The following PCDHGA5 variants were observed in gnomAD, a reference collection of about 807,000 sequenced individuals.
PCDHGA5 encodes the protein protocadherin gamma subfamily A, 5.
A neutral mutation model predicts 56.7 loss-of-function variants in PCDHGA5; 36 were observed. The ratio of observed to expected loss-of-function variants is 0.64; its 90% confidence interval spans 0.49 to 0.84. The LOEUF (loss-of-function observed/expected upper bound fraction) is 0.84. Ranked by LOEUF, PCDHGA5 falls within the 40% of genes least tolerant of loss-of-function variation. PCDHGA5 has a pLI of 0.00. For synonymous variants in PCDHGA5, 563 were observed against 520.2 expected (o/e 1.08, Z -1.12); for missense variants, 1,305 against 1,201.5 (o/e 1.09, Z -1.27).
At chr5:141,387,885 A>C (rs748815627) in intron 1 of PCDHGA5, 1 of 1,578,800 alleles carries the variant, frequency 6.3e-7, no homozygotes, top group Non-Finnish European at 8.6e-7. Flanking sequence ...AGCAAGAGGG[A>C]TGGGGAGCGG....
rs1763677567 is a variant in PCDHGA5, at chr5:141,365,014, C to T, written c.684C>T (p.Ile228=). ...CGGTACTCTCCGGCACCACGCACAT[C>T]CGTGTTACGGTCCTCGACGCAAACG... ...GDPVLSGTTH[I]RVTVLDANDN... is the part of the protein sequence containing the mutation. The change falls in exon 1 of 4, where the codon ATC becomes ATT. Residue 228 remains isoleucine, a synonymous_variant. Transcript: ENST00000518069. The T allele has an allele frequency of 6.2e-7, 1 of 1,613,924 alleles. No homozygotes were observed. The highest frequency in any genetic ancestry group is 1.3e-5 in the African/African-American group (1 of 75,052).
chr5:141,464,583 C>T (rs768431243), intron 1 of PCDHGA5, among the ~76,000 whole-genome samples: 6 of 152,024 alleles, frequency 3.9e-5, no homozygotes, highest in Admixed American at 2.0e-4. Context: ...TGAGAATGTC[C>T]ATTGTCCCAT....
At chr5:141,375,420 A>G (rs777736413) in intron 1 of PCDHGA5, 6 of 1,614,002 alleles carry the variant, frequency 3.7e-6, no homozygotes, top group Admixed American at 3.3e-5. Flanking sequence ...GCAGACACCA[A>G]CGACAACCCG....
chr5:141,388,426 T>A, intron 1 of PCDHGA5: 1 of 1,613,864 alleles, frequency 6.2e-7, no homozygotes, highest in Non-Finnish European at 8.5e-7. Flanking sequence ...TTCTCACTGA[T>A]AAATAAAGAG....
At chr5:141,498,971 G>GGGAGGGAAGGAAGGAAGGAAGGAA (rs2099787588) in intron 2 of PCDHGA5, among the ~76,000 whole-genome samples, 6 of 110,972 alleles carry the variant, frequency 5.4e-5, no homozygotes, top group Admixed American at 5.3e-4. Flanking sequence ...GAGGGAGGGA[G>GGGAGGGAAGGAAGGAAGGAAGGAA]GGAAGGAAGG....
intron 1 of PCDHGA5, among the ~76,000 whole-genome samples, chr5:141,454,907 A>T (rs1304287479): frequency 1.4e-5 from 2 of 139,080 alleles, no homozygotes; most frequent in East Asian, 4.3e-4. Context: ...TCCCGGGTTC[A>T]CGCCATTCTC....
Position 141,489,140 on chromosome 5 carries a change from G to A in PCDHGA5, c.2422-5667G>A. ...CCTCCGAGCAGTTTTTAAGAGGCTG[G>A]AAGGAGACATAAGAGACTTCAGCTG... is the stretch of plus-strand genomic sequence containing the variant. On this transcript the variant is annotated intron_variant, in intron 1 of 3. Transcript: ENST00000518069. The surrounding 1 kb of genome is among the most constrained non-coding windows in gnomAD (Gnocchi z 4.5). The A allele has an allele frequency of 1.2e-6, 1 of 841,390 alleles. No individual in the cohort carries two copies. Among genetic ancestry groups the A allele is most frequent in the South Asian group, 2.1e-5 (1 of 47,082 alleles). The allele number at this position is 841,390 out of a possible 1,614,324, so 52.1% of individuals were successfully genotyped here.
intron 2 of PCDHGA5, among the ~76,000 whole-genome samples, chr5:141,498,962 A>G (rs1257746192): frequency 8.0e-6 from 1 of 124,866 alleles, no homozygotes; most frequent in Non-Finnish European, 1.7e-5. Context: ...AGAGAGAGGG[A>G]GGGAGGGAGG....
intron 1 of PCDHGA5, chr5:141,388,956 G>A (rs1010974359): frequency 1.9e-6 from 3 of 1,613,964 alleles, no homozygotes; most frequent in South Asian, 1.1e-5. Flanking sequence ...TATGGAGGAC[G>A]CCGAGCTGGG....
chr5:141,471,196 C>T (rs59385734), intron 1 of PCDHGA5: 16,293 of 151,632 alleles, frequency 0.11, 894 homozygotes, highest in South Asian at 0.15. Context: ...ATTACAGGCA[C>T]CCACCCCCAT....
At chr5:141,409,235 C>A (rs1471024804) in intron 1 of PCDHGA5, 1 of 1,613,832 alleles carries the variant, frequency 6.2e-7, no homozygotes, top group East Asian at 2.2e-5. Context: ...CGACAACAGC[C>A]CAGAAATAAT....
In PCDHGA5 at chr5:141,486,435, A is replaced by G. The variant is rs2099629501; in HGVS notation, c.2422-8372A>G. The G allele has an allele frequency of 6.2e-7, 1 of 1,614,118 alleles. No homozygotes were observed. Among genetic ancestry groups the G allele is most frequent in the Non-Finnish European group, 8.5e-7 (1 of 1,179,960 alleles). ...TTGGATCGAGAGGCCAAATCTAGCT[A>G]TGACATCATGGTCACTGCTTCTGAT... is the stretch of plus-strand genomic sequence containing the variant. On this transcript the variant is annotated intron_variant, in intron 1 of 3. Coordinates refer to ENST00000518069, the MANE Select transcript of PCDHGA5 (RefSeq NM_018918.3). This position sits in a 1 kb window ranked among gnomAD's most constrained non-coding sequence, Gnocchi z 5.0.
intron 1 of PCDHGA5, chr5:141,428,368 C>A (rs1403173774): frequency 1.3e-5 from 7 of 544,884 alleles, no homozygotes; most frequent in Non-Finnish European, 2.4e-5. Flanking sequence ...GGTCGCCTTG[C>A]ACCTGCGATG....
intron 1 of PCDHGA5, among the ~76,000 whole-genome samples, chr5:141,462,337 T>C (rs1053544147): frequency 6.6e-6 from 1 of 152,260 alleles, no homozygotes; most frequent in Non-Finnish European, 1.5e-5. Context: ...TTAATTGTAT[T>C]GTGATCCAAA....
intron 1 of PCDHGA5, chr5:141,408,041 C>T: frequency 1.7e-6 from 2 of 1,193,652 alleles, no homozygotes; most frequent in Non-Finnish European, 2.3e-6. Context: ...AAACCAGCTC[C>T]CACACAGAGC....
At chr5:141,409,511 A>C in intron 1 of PCDHGA5, 1 of 1,614,018 alleles carries the variant, frequency 6.2e-7, no homozygotes, top group Non-Finnish European at 8.5e-7. Flanking sequence ...TTCCAGTAGA[A>C]GCATCACCTT....
At chr5:141,499,331 TCA>T (rs2099791249) in intron 2 of PCDHGA5, among the ~76,000 whole-genome samples, 1 of 152,220 alleles carries the variant, frequency 6.6e-6, no homozygotes, top group African/African-American at 2.4e-5. Context: ...CTGCTCTCTC[TCA>T]GTTTGGGCAG....
intron 1 of PCDHGA5, among the ~76,000 whole-genome samples, chr5:141,462,745 TATG>T (rs1249238113): frequency 6.6e-6 from 1 of 152,262 alleles, no homozygotes; most frequent in Non-Finnish European, 1.5e-5. Flanking sequence ...CTGTAATTCC[TATG>T]ATGATTTTCT....
At chr5:141,436,950 C>A (rs894702404) in intron 1 of PCDHGA5, among the ~76,000 whole-genome samples, 3 of 152,138 alleles carry the variant, frequency 2.0e-5, no homozygotes, top group African/African-American at 7.2e-5. Flanking sequence ...ATAGTGAAAT[C>A]TAAACAAGGA....
Sources: allele counts gnomAD v4.1 joint callset (sites outside exome capture counted in the v4.1 genomes callset), GRCh38; gene constraint gnomAD v4.1.1; non-coding constraint Gnocchi (gnomAD v3.1); transcripts MANE v1.5; gene names NCBI Gene and HGNC (gene_info 2026-07-23, HGNC 2026-07-21).